LRP1B: variants seen among roughly 807,000 people sequenced by gnomAD.
LRP1B encodes the protein LDL receptor related protein 1B.
Under a neutral mutation model 556.6 loss-of-function variants are expected in LRP1B, and 217 were observed. That is an observed-to-expected ratio of 0.39 (90% CI 0.35 to 0.44). The LOEUF (loss-of-function observed/expected upper bound fraction) is 0.44. Among genes scored for constraint, LRP1B ranks in the 20% least tolerant of loss-of-function variants. The probability of loss-of-function intolerance (pLI) is 1.00; values close to 1 mark genes in which losing one functional copy is unlikely to be tolerated. For missense variants in LRP1B, 5,053 were observed against 5,620.8 expected (o/e 0.90, Z 3.23); for synonymous variants, 2,047 against 1,865.8 (o/e 1.10, Z -2.50).
chr2:141,306,719 G>C (rs1158128415), intron 3 of LRP1B, among the ~76,000 whole-genome samples: 1 of 151,500 alleles, frequency 6.6e-6, no homozygotes, highest in African/African-American at 2.4e-5. Flanking sequence ...TAATTTATTT[G>C]AAATCTTTCT....
intron 3 of LRP1B, among the ~76,000 whole-genome samples, chr2:141,352,591 T>C (rs1047789046): frequency 4.0e-5 from 6 of 151,868 alleles, no homozygotes; most frequent in African/African-American, 1.5e-4. Context: ...CTTTGGTTAA[T>C]TGATAAAAAA....
intron 11 of LRP1B, among the ~76,000 whole-genome samples, chr2:141,028,487 C>G (rs181957164): frequency 1.3e-4 from 20 of 151,612 alleles, no homozygotes; most frequent in East Asian, 9.7e-4. Context: ...TTTATTAAAA[C>G]GTTACAGAAG....
At chr2:140,606,979 T>C (rs533581936) in intron 41 of LRP1B, among the ~76,000 whole-genome samples, 1 of 152,156 alleles carries the variant, frequency 6.6e-6, no homozygotes, top group East Asian at 1.9e-4. Context: ...AAAACTTGTA[T>C]GCTTCAAAAG....
intron 41 of LRP1B, among the ~76,000 whole-genome samples, chr2:140,649,204 A>C (rs1018051997): frequency 6.6e-6 from 1 of 152,106 alleles, no homozygotes; most frequent in African/African-American, 2.4e-5. Context: ...CTATCCTGGT[A>C]GTGATTTCCT....
At chr2:141,206,548 C>T (rs1234643675) in intron 6 of LRP1B, among the ~76,000 whole-genome samples, 2 of 151,904 alleles carry the variant, frequency 1.3e-5, no homozygotes, top group African/African-American at 2.4e-5. Flanking sequence ...GATCGTGCCA[C>T]TGCACTCCAG....
At chr2:140,745,021 G>A (rs188538733) in intron 35 of LRP1B, among the ~76,000 whole-genome samples, 97 of 152,210 alleles carry the variant, frequency 6.4e-4, no homozygotes, top group African/African-American at 2.2e-3. Flanking sequence ...AAAGAATAAA[G>A]TCAAATATAT....
chr2:140,813,598 A>C, intron 32 of LRP1B, 59 bp downstream of exon 32: 1 of 1,503,266 alleles, frequency 6.7e-7, no homozygotes, highest in Non-Finnish European at 9.2e-7. Context: ...TTAACAGGTC[A>C]TAATAAATCA....
In LRP1B at chr2:141,391,919, C is replaced by T. The variant is rs181334325; in HGVS notation, c.343+88477G>A. On this transcript the variant is annotated intron_variant, in intron 3 of 90. Transcript: ENST00000389484. ...TCCATCTGTTTGCATGAATTTTACC[C>T]CTATGATGTACCCACTACTATGTAT... Among the ~76,000 whole-genome samples, 553 of 152,198 alleles carry T rather than the reference C, an allele frequency of 3.6e-3. 4 individuals carry two copies. The highest frequency in any genetic ancestry group is 0.013 in the African/African-American group (538 of 41,538).
At chr2:142,129,043 T>C (rs1707757413) in intron 1 of LRP1B, among the ~76,000 whole-genome samples, 1 of 152,192 alleles carries the variant, frequency 6.6e-6, no homozygotes, top group South Asian at 2.1e-4. Context: ...AAGAGCCCAA[T>C]AGCAGTAGTC....
intron 1 of LRP1B, among the ~76,000 whole-genome samples, chr2:142,087,706 G>C (rs1175548171): frequency 1.3e-5 from 2 of 151,818 alleles, no homozygotes; most frequent in African/African-American, 4.8e-5. Flanking sequence ...CACAGAGAAA[G>C]ATAAAGTGTC....
At chr2:140,963,050 T>TAC (rs1696085258) in intron 18 of LRP1B, among the ~76,000 whole-genome samples, 1 of 152,178 alleles carries the variant, frequency 6.6e-6, no homozygotes, top group Non-Finnish European at 1.5e-5. Context: ...GACAAAATGT[T>TAC]ACAGTGGCAG....
intron 1 of LRP1B, among the ~76,000 whole-genome samples, chr2:141,923,408 T>TATATATATATAA (rs1307452652): frequency 7.3e-6 from 1 of 137,644 alleles, no homozygotes; most frequent in Admixed American, 7.4e-5. Context: ...TGTCACTATA[T>TATATATATATAA]ATATATATAT....
intron 63 of LRP1B, among the ~76,000 whole-genome samples, chr2:140,446,486 G>A (rs1462166639): frequency 6.6e-6 from 1 of 152,084 alleles, no homozygotes; most frequent in Non-Finnish European, 1.5e-5. Context: ...GATGTTATAA[G>A]TATTGTCAGC....
chr2:140,609,475 C>A (rs1252068897), intron 41 of LRP1B, among the ~76,000 whole-genome samples: 1 of 152,082 alleles, frequency 6.6e-6, no homozygotes, highest in African/African-American at 2.4e-5. Context: ...ATACGTACGT[C>A]CAACCATGAA....
rs74995224 is a variant in LRP1B at position 141,146,984 on chromosome 2, C to A, written c.1013+41437G>T. Among the ~76,000 whole-genome samples, 18 of 152,240 alleles carry A rather than the reference C, an allele frequency of 1.2e-4. 2 individuals are homozygous for A. Among genetic ancestry groups the A allele is most frequent in the African/African-American group, 4.3e-4 (18 of 41,510 alleles). ...GAAGCTGATCCCTGTGGATTACACA[C>A]CTGAGCATCCTCCTACTAGCTTCTG... On this transcript the variant is annotated intron_variant, in intron 7 of 90. Transcript: ENST00000389484.
chr2:141,915,365 A>G (rs978418861), intron 1 of LRP1B, among the ~76,000 whole-genome samples: 1 of 152,104 alleles, frequency 6.6e-6, no homozygotes, highest in Non-Finnish European at 1.5e-5. Flanking sequence ...ATACAAATAC[A>G]CCATACAAAT....
At chr2:140,396,653 G>A (rs1684271896) in intron 66 of LRP1B, among the ~76,000 whole-genome samples, 1 of 152,166 alleles carries the variant, frequency 6.6e-6, no homozygotes, top group African/African-American at 2.4e-5. Flanking sequence ...TAAGAGTTAA[G>A]TAATAGTAAA....
At chr2:140,509,834 A>G in intron 52 of LRP1B, 94 bp downstream of exon 52, 1 of 1,506,202 alleles carries the variant, frequency 6.6e-7, no homozygotes, top group Non-Finnish European at 8.9e-7. Context: ...TAGGAAAGCA[A>G]TGGGAAATGT....
intron 5 of LRP1B, among the ~76,000 whole-genome samples, chr2:141,233,172 C>T (rs925200424): frequency 3.3e-5 from 5 of 152,160 alleles, no homozygotes; most frequent in Non-Finnish European, 7.3e-5. Context: ...CAAAGGGATA[C>T]CTGTGTCAAC....
Sources: allele counts gnomAD v4.1 joint callset (sites outside exome capture counted in the v4.1 genomes callset), GRCh38; gene constraint gnomAD v4.1.1; transcripts MANE v1.5; gene names NCBI Gene and HGNC (gene_info 2026-07-23, HGNC 2026-07-21).